DDX6: variants seen among roughly 807,000 people sequenced by gnomAD.
DDX6 encodes the protein probable ATP-dependent RNA helicase DDX6.
Under a neutral mutation model 60.6 loss-of-function variants are expected in DDX6, and 7 were observed. The observed-to-expected ratio is 0.12, with a 90% CI of 0.07 to 0.22. The LOEUF is 0.22. Among genes scored for constraint, DDX6 ranks in the 10% least tolerant of loss-of-function variants. DDX6 has a pLI of 1.00. For synonymous variants in DDX6, 207 were observed against 201.0 expected, an observed-to-expected ratio of 1.03 and a Z score of -0.25; for missense variants, 270 against 589.9, an observed-to-expected ratio of 0.46 and a Z score of 5.62.
chr11:118,760,121 T>C, intron 7 of DDX6, 77 bp from the exon 8 acceptor site: 1 of 1,308,170 alleles, frequency 7.6e-7, no homozygotes, highest in Non-Finnish European at 1.0e-6. Context: ...GGTCAAAGAA[T>C]AAGGCATCAT....
At chr11:118,782,459 G>A (rs939145994) in intron 2 of DDX6, among the ~76,000 whole-genome samples, 2 of 150,182 alleles carry the variant, frequency 1.3e-5, no homozygotes, top group African/African-American at 4.9e-5. Flanking sequence ...GTATTTAACT[G>A]TGACATCTTC....
chr11:118,753,793 T>C (rs1221667609), intron 13 of DDX6, among the ~76,000 whole-genome samples: 1 of 152,124 alleles, frequency 6.6e-6, no homozygotes, highest in African/African-American at 2.4e-5. Flanking sequence ...ATGTAAATAC[T>C]TTCATATTCA....
rs1187296413 is a variant in DDX6 at position 118,748,374 on chromosome 11, A to T, written c.*3731T>A. On this transcript the variant is annotated 3_prime_UTR_variant, in exon 14 of 14. Coordinates refer to ENST00000534980, the MANE Select transcript of DDX6 (RefSeq NM_004397.6). ...GAAAGGAGAGCAGATTTTCTTTGGG[A>T]GTTTTAAAAAACTATCTTTAGATTT... 2.0e-5 allele frequency: 3 copies of T among 152,164 alleles called. No homozygotes were observed. The highest frequency in any genetic ancestry group is 6.6e-5 in the Admixed American group (1 of 15,266). 9.4% of individuals were successfully genotyped at this position (152,164 alleles called of 1,614,324 possible). A position where few individuals can be genotyped will look rare whatever the true frequency, so the allele number is the denominator to read the frequency against.
chr11:118,763,328 TAC>T (rs1565565774), intron 6 of DDX6, 22 bp from the exon 7 acceptor site: 1 of 1,536,910 alleles, frequency 6.5e-7, no homozygotes. Flanking sequence ...TTAGAAAACA[TAC>T]ATTCTCATTA....
intron 1 of DDX6, chr11:118,790,283 TAAACACA>T (rs1319806613): frequency 6.6e-6 from 1 of 151,734 alleles, no homozygotes; most frequent in Non-Finnish European, 1.5e-5. Flanking sequence ...CTTCTGACCA[TAAACACA>T]AAAGGTTGGG....
intron 4 of DDX6, among the ~76,000 whole-genome samples, chr11:118,772,997 C>A (rs1480642092): frequency 1.3e-5 from 2 of 152,182 alleles, no homozygotes; most frequent in Admixed American, 1.3e-4. Context: ...TCCTTCAGAG[C>A]TATCTCAATT....
In DDX6 at chr11:118,781,191, A is replaced by G; in HGVS notation, c.201-7T>C. The G allele has an allele frequency of 6.3e-7, 1 of 1,578,518 alleles. No individual in the cohort carries two copies. Among genetic ancestry groups the G allele is most frequent in the Non-Finnish European group, 8.7e-7 (1 of 1,153,888 alleles). ...TTTCCAGTCATCACCAGGTCTAGAG[A>G]GAATACAGTAAACTTGAAGTATCAA... is the stretch of plus-strand genomic sequence containing the variant. On this transcript the variant is annotated splice_region_variant and splice_polypyrimidine_tract_variant and intron_variant, in intron 2 of 13. Coordinates refer to ENST00000534980, the MANE Select transcript of DDX6 (RefSeq NM_004397.6).
rs1256060358 is a variant in DDX6, at chr11:118,777,893, A to AAG, written c.369+1737_369+1738dup. ...GACAGAGCTAGACTCCATCTCAAAA[A>AAG]AGAGAAAAAAAAAAAAAAAAACCAA... On this transcript the variant is annotated intron_variant, in intron 4 of 13. Transcript: ENST00000534980. Among the ~76,000 whole-genome samples the AAG allele has an allele frequency of 3.6e-4, 39 of 108,118 alleles. 1 individual carries two copies. Among genetic ancestry groups the AAG allele is most frequent in the Non-Finnish European group, 6.5e-4 (32 of 49,170 alleles). The allele number at this position is 108,118 out of a possible 152,430, so 70.9% of individuals were successfully genotyped here.
intron 1 of DDX6, chr11:118,789,355 G>A (rs1417810517): frequency 6.6e-6 from 1 of 152,084 alleles, no homozygotes; most frequent in Non-Finnish European, 1.5e-5. Flanking sequence ...TGGGATTACA[G>A]GTGTGAGCCA....
At chr11:118,752,648 GTTAC>G (rs1362804687) in intron 13 of DDX6, among the ~76,000 whole-genome samples, 3 of 152,052 alleles carry the variant, frequency 2.0e-5, no homozygotes, top group Admixed American at 6.6e-5. Context: ...GTAACATTAG[GTTAC>G]TTAAATAGGT....
rs569116967 is a variant in DDX6, at chr11:118,780,363, G to A, written c.265-627C>T. Reference sequence around the variant, plus strand: ...GATGGAGTCTCGCTCTGTCACCCAGGCTGCAGTGCAGTGGCGTGATCTCGG... The same window carrying A: ...GATGGAGTCTCGCTCTGTCACCCAGACTGCAGTGCAGTGGCGTGATCTCGG... On this transcript the variant is annotated intron_variant, in intron 3 of 13. Coordinates refer to ENST00000534980, the MANE Select transcript of DDX6 (RefSeq NM_004397.6). Among the ~76,000 whole-genome samples the A allele has an allele frequency of 3.9e-5, 6 of 152,190 alleles. No individual in the cohort carries two copies. In the East Asian group the frequency reaches 1.2e-3, roughly 30 times the overall value.
chr11:118,751,836 T>C lies in DDX6; in HGVS notation c.*269A>G. The C allele has an allele frequency of 4.8e-6, 2 of 419,842 alleles. No homozygotes were observed. Among genetic ancestry groups the C allele is most frequent in the South Asian group, 3.5e-5 (2 of 57,264 alleles). 26.0% of individuals were successfully genotyped at this position (419,842 alleles called of 1,614,324 possible). On this transcript the variant is annotated 3_prime_UTR_variant, in exon 14 of 14. Coordinates refer to ENST00000534980, the MANE Select transcript of DDX6 (RefSeq NM_004397.6). ...TTCTTTCTTTTCCTTCCTTGTCCCC[T>C]TTCCCCAGAAAACATTTTTTAAAAA...
chr11:118,776,506 G>C (rs1016348994), intron 4 of DDX6, among the ~76,000 whole-genome samples: 3 of 152,148 alleles, frequency 2.0e-5, no homozygotes, highest in Non-Finnish European at 2.9e-5. Context: ...GATAAAAGTT[G>C]AATGATGCAG....
intron 13 of DDX6, among the ~76,000 whole-genome samples, chr11:118,752,304 T>G (rs1860803729): frequency 6.6e-6 from 1 of 152,198 alleles, no homozygotes; most frequent in African/African-American, 2.4e-5. Context: ...GTGAATGTTC[T>G]GATAGCAGGC....
In DDX6 at chr11:118,749,070, G is replaced by A. The variant is rs1860658623; in HGVS notation, c.*3035C>T. 6.6e-6 allele frequency: 1 copy of A among 152,118 alleles called. No individual in the cohort carries two copies. The allele number at this position is 152,118 out of a possible 1,614,324, so 9.4% of individuals were successfully genotyped here. A position where few individuals can be genotyped will look rare whatever the true frequency, so the allele number is the denominator to read the frequency against. ...ATAAATGTATTCCATTCCTATGGGA[G>A]AGGCAAAACAGTATTTATCCCCATC... is the stretch of plus-strand genomic sequence containing the variant. On this transcript the variant is annotated 3_prime_UTR_variant, in exon 14 of 14. Transcript: ENST00000534980.
At chr11:118,752,818 G>T (rs186956592) in intron 13 of DDX6, among the ~76,000 whole-genome samples, 5 of 152,106 alleles carry the variant, frequency 3.3e-5, no homozygotes, top group African/African-American at 1.2e-4. Flanking sequence ...GCAGGGCGTG[G>T]TGGCTCACAC....
Position 118,752,082 on chromosome 11 carries a change from T to C in DDX6, c.*23A>G. 1 of 228,702 alleles carries C rather than the reference T, an allele frequency of 4.4e-6. No homozygotes were observed. The highest frequency in any genetic ancestry group is 4.7e-5 in the South Asian group (1 of 21,094). 14.2% of individuals were successfully genotyped at this position (228,702 alleles called of 1,614,324 possible). A position where few individuals can be genotyped will look rare whatever the true frequency, so the allele number is the denominator to read the frequency against. On this transcript the variant is annotated 3_prime_UTR_variant, in exon 14 of 14. Transcript: ENST00000534980. ...GTGTCACAGATCCAAACGAGCCTTT[T>C]GTAATTTGTCAAAGCCTACAGAAGA...
At chr11:118,789,881 C>G (rs1476850016) in intron 1 of DDX6, 1 of 152,182 alleles carries the variant, frequency 6.6e-6, no homozygotes, top group African/African-American at 2.4e-5. Flanking sequence ...TTCCTCCTAC[C>G]CCTTCCCAAT....
At chr11:118,772,277 A>T (rs1484286316) in intron 4 of DDX6, among the ~76,000 whole-genome samples, 1 of 152,236 alleles carries the variant, frequency 6.6e-6, no homozygotes, top group African/African-American at 2.4e-5. Context: ...ATGACTGGAT[A>T]AATCAGAAGT....
Sources: allele counts gnomAD v4.1 joint callset (sites outside exome capture counted in the v4.1 genomes callset), GRCh38; gene constraint gnomAD v4.1.1; transcripts MANE v1.5; gene names NCBI Gene and HGNC (gene_info 2026-07-23, HGNC 2026-07-21).